The following CENPV variants were observed in gnomAD, a reference collection of about 807,000 sequenced individuals.
CENPV encodes centromere protein V.
CENPV carries 15 observed loss-of-function variants against 26.4 expected under a neutral mutation model. The observed-to-expected ratio is 0.57, with a 90% CI of 0.38 to 0.88. The LOEUF is 0.88. CENPV is among the 40% of genes least tolerant of loss of function. CENPV has a pLI of 0.00. For missense variants in CENPV, 336 were observed against 376.5 expected (o/e 0.89, Z 0.89); for synonymous variants, 172 against 165.5 (o/e 1.04, Z -0.30).
rs1453870096 is a variant in CENPV, at chr17:16,348,870, A to AG, written c.510-186dup. 24 of 1,390,340 alleles carry AG rather than the reference A, an allele frequency of 1.7e-5. No homozygotes were observed. In the East Asian group the frequency reaches 3.8e-4, roughly 22 times the overall value. 86.1% of individuals were successfully genotyped at this position (1,390,340 alleles called of 1,614,324 possible). On this transcript the variant is annotated intron_variant, in intron 2 of 4. Coordinates refer to ENST00000299736, the MANE Select transcript of CENPV (RefSeq NM_181716.3). ...CTGGTTTGCAGGTACAGCAGAGCCC[A>AG]GGGGGGTCCCAAGTCAGCAGTCGAG...
chr17:16,347,331 CCT>C (rs1005294937), intron 3 of CENPV, among the ~76,000 whole-genome samples: 67 of 152,228 alleles, frequency 4.4e-4, no homozygotes, highest in African/African-American at 1.5e-3. Context: ...GAAATAGCTC[CCT>C]GAGGAGCCTT....
intron 4 of CENPV, among the ~76,000 whole-genome samples, chr17:16,343,353 A>G (rs2093190738): frequency 6.6e-6 from 1 of 151,574 alleles, no homozygotes; most frequent in African/African-American, 2.4e-5. Flanking sequence ...TTTTTTTCAG[A>G]TGGAGTTTAG....
intron 4 of CENPV, 179 bp downstream of exon 4, chr17:16,344,396 TATGGGATTCAGAAAAGTTTCAC>T (rs2093195783): frequency 3.0e-6 from 1 of 333,704 alleles, no homozygotes; most frequent in Admixed American, 4.9e-5. Flanking sequence ...CACATTCAGA[TATGGGATTCAGAAAAGTTTCAC>T]CGGAGCCCGA....
intron 3 of CENPV, 159 bp downstream of exon 3, chr17:16,348,457 C>T (rs1337932778): frequency 1.4e-6 from 2 of 1,470,304 alleles, no homozygotes; most frequent in Non-Finnish European, 1.8e-6. Context: ...GTGCCGGGCC[C>T]ACCTTTTAAA....
chr17:16,353,135 G>A lies in CENPV; in HGVS notation c.302C>T (p.Ser101Phe), dbSNP rs746533091. ...GCCCAGGTCCAGGTTGGACGCCGAGGACGTCGGGGTCGCGGGAGTCGGCGG... is the reference window on the plus strand; with the variant it reads ...GCCCAGGTCCAGGTTGGACGCCGAGAACGTCGGGGTCGCGGGAGTCGGCGG... ...PPPPTPATPT[S>F]SASNLDLGEQ... The change falls in exon 1 of 5, where the codon TCC becomes TTC. Residue 101 changes from serine to phenylalanine, a missense_variant. Physicochemically the swap from Ser to Phe is radical, Grantham distance 155. Transcript: ENST00000299736. 2.6e-6 allele frequency: 4 copies of A among 1,517,884 alleles called. No homozygotes were observed. Among genetic ancestry groups the A allele is most frequent in the Admixed American group, 2.2e-5 (1 of 46,234 alleles). 94.0% of individuals were successfully genotyped at this position (1,517,884 alleles called of 1,614,324 possible).
intron 4 of CENPV, chr17:16,344,206 A>T (rs563158445): frequency 6.4e-6 from 1 of 155,212 alleles, no homozygotes; most frequent in Non-Finnish European, 1.4e-5. Context: ...AATGCTCCCC[A>T]ATCTTGCCTC....
intron 2 of CENPV, chr17:16,349,095 G>A (rs1290079695): frequency 9.1e-6 from 9 of 991,402 alleles, no homozygotes; most frequent in East Asian, 1.1e-4. Flanking sequence ...TCATCACCAC[G>A]TCACAAGAAG....
intron 3 of CENPV, among the ~76,000 whole-genome samples, chr17:16,346,991 T>C (rs959645526): frequency 2.0e-5 from 3 of 151,792 alleles, no homozygotes; most frequent in Non-Finnish European, 4.4e-5. Flanking sequence ...CCTGGGACTA[T>C]AGGCATGCAA....
Position 16,353,140 on chromosome 17 carries a change from C to T in CENPV, c.297G>A (p.Pro99=). 6.7e-7 allele frequency: 1 copy of T among 1,490,332 alleles called. No homozygotes were observed. Among genetic ancestry groups the T allele is most frequent in the South Asian group, 1.3e-5 (1 of 77,394 alleles). 92.3% of individuals were successfully genotyped at this position (1,490,332 alleles called of 1,614,324 possible). A position where few individuals can be genotyped will look rare whatever the true frequency, so the allele number is the denominator to read the frequency against. Reference sequence around the variant, plus strand: ...GGTCCAGGTTGGACGCCGAGGACGTCGGGGTCGCGGGAGTCGGCGGCGGCG... The same window carrying T: ...GGTCCAGGTTGGACGCCGAGGACGTTGGGGTCGCGGGAGTCGGCGGCGGCG... ...PPPPPPTPAT[P]TSSASNLDLG... Residue 99 remains proline, a synonymous_variant, in exon 1 of 5, where the codon CCG becomes CCA. Transcript: ENST00000299736.
chr17:16,346,309 C>A (rs1265781769), intron 3 of CENPV, among the ~76,000 whole-genome samples: 1 of 152,192 alleles, frequency 6.6e-6, no homozygotes, highest in South Asian at 2.1e-4. Flanking sequence ...TTTATGAAGG[C>A]TAAAGATTGG....
rs1054914164 is a variant in CENPV, at chr17:16,350,422, C to A, written c.411-393G>T. On this transcript the variant is annotated intron_variant, in intron 1 of 4. Transcript: ENST00000299736. ...ACGGTGGCACGATCTTGGCTCACTG[C>A]AACCTCTGCCACCTGGGTTGAAGCA... Among the ~76,000 whole-genome samples, 24 of 151,532 alleles carry A rather than the reference C, an allele frequency of 1.6e-4. 1 individual carries two copies. Among genetic ancestry groups the A allele is most frequent in the Non-Finnish European group, 3.4e-4 (23 of 67,980 alleles).
intron 3 of CENPV, among the ~76,000 whole-genome samples, chr17:16,346,603 T>C (rs2093207461): frequency 6.6e-6 from 1 of 151,912 alleles, no homozygotes; most frequent in Non-Finnish European, 1.5e-5. Flanking sequence ...ATGTAAAAAT[T>C]AGCCAGATGT....
chr17:16,344,739 T>A, intron 3 of CENPV, 28 bp from the exon 4 acceptor site: 1 of 1,262,314 alleles, frequency 7.9e-7, no homozygotes, highest in Non-Finnish European at 1.1e-6. Context: ...AACGGTATTC[T>A]TTTTTACAAA....
Position 16,353,152 on chromosome 17 carries a change from AGTC to A in CENPV, c.282_284del (p.Thr95del). 1.4e-6 allele frequency: 2 copies of A among 1,474,438 alleles called. No individual in the cohort carries two copies. Among genetic ancestry groups the A allele is most frequent in the African/African-American group, 1.5e-5 (1 of 68,426 alleles). The allele number at this position is 1,474,438 out of a possible 1,614,324, so 91.3% of individuals were successfully genotyped here. ...ACGCCGAGGACGTCGGGGTCGCGGG[AGTC>A]GGCGGCGGCGGCGGCGGTGGCGGGA... On this transcript the variant is annotated inframe_deletion, in exon 1 of 5. Transcript: ENST00000299736.
intron 2 of CENPV, chr17:16,349,080 T>C (rs2093219495): frequency 2.0e-6 from 2 of 993,006 alleles, no homozygotes; most frequent in Non-Finnish European, 2.4e-6. Context: ...GGTTTCCCTC[T>C]TTCTTCATCA....
Position 16,342,879 on chromosome 17 carries a change from C to T in CENPV, c.757G>A (p.Gly253Ser). The T allele has an allele frequency of 6.2e-7, 1 of 1,614,150 alleles. No homozygotes were observed. The highest frequency in any genetic ancestry group is 1.1e-5 in the South Asian group (1 of 91,080). ...VRSMVTEEFNGSDWEKAMKEH... is the reference protein window; with the variant it reads ...VRSMVTEEFNSSDWEKAMKEH... ...TTCATGGCCTTCTCCCAATCGCTGC[C>T]ATTGAATTCCTCAGTGACCATACTC... is the stretch of plus-strand genomic sequence containing the variant. The change falls in exon 5 of 5, where the codon GGC becomes AGC. Residue 253 changes from glycine to serine, a missense_variant. Gly to Ser is a moderately conservative substitution (Grantham distance 56). Coordinates refer to ENST00000299736, the MANE Select transcript of CENPV (RefSeq NM_181716.3).
Position 16,353,128 on chromosome 17 carries a change from C to A in CENPV, c.309G>T (p.Ala103=). ...GCTGCTCGCCCAGGTCCAGGTTGGA[C>A]GCCGAGGACGTCGGGGTCGCGGGAG... ...PPTPATPTSS[A]SNLDLGEQRE... Residue 103 remains alanine, a synonymous_variant, in exon 1 of 5, where the codon GCG becomes GCT. Coordinates refer to ENST00000299736, the MANE Select transcript of CENPV (RefSeq NM_181716.3). 3 of 1,523,392 alleles carry A rather than the reference C, an allele frequency of 2.0e-6. No homozygotes were observed. The highest frequency in any genetic ancestry group is 1.9e-4 in the Middle Eastern group (1 of 5,136). The allele number at this position is 1,523,392 out of a possible 1,614,324, so 94.4% of individuals were successfully genotyped here. A position where few individuals can be genotyped will look rare whatever the true frequency, so the allele number is the denominator to read the frequency against.
chr17:16,349,867 T>C (rs2093222204), intron 2 of CENPV, 64 bp downstream of exon 2: 25 of 1,593,162 alleles, frequency 1.6e-5, no homozygotes, highest in East Asian at 9.0e-5. Context: ...CCAGATTATT[T>C]TGAAATATTG....
Position 16,353,339 on chromosome 17 carries a change from G to A in CENPV, c.98C>T (p.Ala33Val). 1 of 1,338,630 alleles carries A rather than the reference G, an allele frequency of 7.5e-7. No individual in the cohort carries two copies. Among genetic ancestry groups the A allele is most frequent in the East Asian group, 3.3e-5 (1 of 30,060 alleles). 82.9% of individuals were successfully genotyped at this position (1,338,630 alleles called of 1,614,324 possible). A position where few individuals can be genotyped will look rare whatever the true frequency, so the allele number is the denominator to read the frequency against. Residue 33 changes from alanine to valine, a missense_variant, in exon 1 of 5, where the codon GCA (alanine) becomes GTA (valine). Coordinates refer to ENST00000299736, the MANE Select transcript of CENPV (RefSeq NM_181716.3). The stretch of plus-strand genomic sequence containing the variant: ...GCGCCGTGTGCGGGTGGCGCTGGGT[G>A]CCAAGGCAGCGGCCGCGGAGGCCGC... ...APAASAAAAL[A>V]PSATRTRRSA...
Sources: allele counts gnomAD v4.1 joint callset (sites outside exome capture counted in the v4.1 genomes callset), GRCh38; gene constraint gnomAD v4.1.1; transcripts MANE v1.5; gene names NCBI Gene and HGNC (gene_info 2026-07-23, HGNC 2026-07-21).